NID1: variants seen among roughly 807,000 people sequenced by gnomAD.
NID1 encodes the protein nidogen-1.
In NID1, 76 loss-of-function variants were observed where a neutral mutation model predicts 130.6. That is an observed-to-expected ratio of 0.58 (90% confidence interval 0.48 to 0.70). The LOEUF is 0.70. Ranked by LOEUF, NID1 falls within the 30% of genes least tolerant of loss-of-function variation. NID1 has a pLI of 0.00. For missense variants in NID1, 1,517 were observed against 1,664.8 expected (o/e 0.91, Z 1.54); for synonymous variants, 665 against 675.1 (o/e 0.98, Z 0.23).
intron 4 of NID1, among the ~76,000 whole-genome samples, chr1:236,038,836 A>AAC (rs1398478415): frequency 7.8e-5 from 10 of 128,338 alleles, no homozygotes; most frequent in African/African-American, 3.2e-4. Context: ...GGTCATATAT[A>AAC]ATAAATATTA....
chr1:236,013,414 G>C lies in NID1; in HGVS notation c.2401C>G (p.Gln801Glu). 1 of 1,613,784 alleles carries C rather than the reference G, an allele frequency of 6.2e-7. No individual in the cohort carries two copies. The highest frequency in any genetic ancestry group is 8.5e-7 in the Non-Finnish European group (1 of 1,180,000). The change falls in exon 11 of 20, where the codon CAA (glutamine) becomes GAA (glutamate). Residue 801 changes from glutamine (Q) to glutamate (E), a missense_variant. Physicochemically the swap from Gln to Glu is conservative, Grantham distance 29. Transcript: ENST00000264187. ...PGFSGDGQAC[Q>E]DVDECQPSRC... is the part of the protein sequence containing the mutation. ...GAAGATCAGAGCAACCACACACCTT[G>C]GCAGGCTTGGCCATCCCCAGAAAAG...
Position 235,979,743 on chromosome 1 carries a change from G to T in NID1, c.3509+79C>A. The T allele has an allele frequency of 1.3e-6, 2 of 1,558,588 alleles. No homozygotes were observed. The highest frequency in any genetic ancestry group is 2.2e-5 in the South Asian group (2 of 88,974). ...GCTCAAAAGTCAAGCCAAGAGGCCA[G>T]ATGGGAAGGGCCTGGCCTCCCAGAG... On this transcript the variant is annotated intron_variant, in intron 18 of 19. Transcript: ENST00000264187. The surrounding 1 kb of genome is among the most constrained non-coding windows in gnomAD (Gnocchi z 4.6).
intron 14 of NID1, 78 bp from the exon 15 acceptor site, chr1:235,985,583 C>A: frequency 6.7e-7 from 1 of 1,500,686 alleles, no homozygotes; most frequent in East Asian, 2.3e-5. Context: ...TGCCTACAGG[C>A]ATTTGGATAT....
At chr1:236,029,433 G>A (rs1345648199) in intron 7 of NID1, 117 bp downstream of exon 7, 24 of 940,342 alleles carry the variant, frequency 2.6e-5, no homozygotes, top group Admixed American at 4.3e-5. Flanking sequence ...GTAAGGCCCG[G>A]TGTATTTCCC....
Position 236,025,304 on chromosome 1 carries a change from C to G in NID1, c.1984+592G>C, listed in dbSNP as rs995434682. Among the ~76,000 whole-genome samples, 3 of 148,406 alleles carry G rather than the reference C, an allele frequency of 2.0e-5. No individual in the cohort carries two copies. The East Asian group carries it at 6.3e-4, about 31-fold the overall frequency. On this transcript the variant is annotated intron_variant, in intron 8 of 19. Transcript: ENST00000264187. ...TGAGACAGAGTCTCACTCTGTCGCC[C>G]AGGCTGGAGTGCAGTGGTGCGATCT...
chr1:236,019,155 G>A (rs1217162495), intron 9 of NID1, among the ~76,000 whole-genome samples: 2 of 152,254 alleles, frequency 1.3e-5, no homozygotes, highest in African/African-American at 4.8e-5. Flanking sequence ...CCCTCCCAAA[G>A]CAGGCTGTTA....
chr1:236,004,746 AGCG>A (rs1658193539), intron 12 of NID1, among the ~76,000 whole-genome samples: 5 of 128,576 alleles, frequency 3.9e-5, no homozygotes, highest in Admixed American at 3.4e-4. Context: ...TGGGCAACAG[AGCG>A]AGACTCTGTC....
At chr1:236,016,606 G>A (rs947315256) in intron 10 of NID1, among the ~76,000 whole-genome samples, 1 of 152,152 alleles carries the variant, frequency 6.6e-6, no homozygotes, top group African/African-American at 2.4e-5. Flanking sequence ...CATTCAGCAA[G>A]AGCATAATTA....
chr1:236,047,766 C>T (rs1659646729), intron 2 of NID1, among the ~76,000 whole-genome samples: 2 of 152,128 alleles, frequency 1.3e-5, no homozygotes, highest in Admixed American at 6.6e-5. Context: ...GTGGCACACA[C>T]CTGTAATCCC....
intron 3 of NID1, 82 bp downstream of exon 3, chr1:236,045,375 G>A (rs1659570255): frequency 1.0e-6 from 1 of 960,332 alleles, no homozygotes. Context: ...ACATTTTTAG[G>A]TAATGATCTA....
At chr1:236,064,658 T>C (rs1279028603) in intron 1 of NID1, 197 bp downstream of exon 1, 4 of 627,862 alleles carry the variant, frequency 6.4e-6, no homozygotes, top group East Asian at 3.6e-5. Context: ...CGCGACCCGC[T>C]CTTCGGATAG....
intron 13 of NID1, among the ~76,000 whole-genome samples, chr1:235,992,544 A>G (rs1242461029): frequency 6.6e-6 from 1 of 152,176 alleles, no homozygotes; most frequent in East Asian, 1.9e-4. Flanking sequence ...AGCCTCACCC[A>G]TGAGCCCACC....
chr1:236,039,390 T>G (rs1343254505), intron 4 of NID1, among the ~76,000 whole-genome samples: 1 of 151,788 alleles, frequency 6.6e-6, no homozygotes, highest in African/African-American at 2.4e-5. Flanking sequence ...ATATTCTTTT[T>G]AATTTTAAAT....
At chr1:236,020,036 T>TAAAAAAAAAA (rs57925295) in intron 9 of NID1, among the ~76,000 whole-genome samples, 7 of 88,358 alleles carry the variant, frequency 7.9e-5, no homozygotes, top group Admixed American at 2.4e-4. Context: ...GACTCTGCCT[T>TAAAAAAAAAA]AAAAAAAAAA....
At chr1:235,982,054 T>C (rs1393849109) in intron 15 of NID1, among the ~76,000 whole-genome samples, 1 of 152,198 alleles carries the variant, frequency 6.6e-6, no homozygotes, top group African/African-American at 2.4e-5. Flanking sequence ...CAGTTTTCCA[T>C]GAGCCCACAG....
Position 236,038,124 on chromosome 1 carries a change from C to A in NID1, c.1265G>T (p.Gly422Val). 1 of 1,602,488 alleles carries A rather than the reference C, an allele frequency of 6.2e-7. No homozygotes were observed. The highest frequency in any genetic ancestry group is 8.5e-7 in the Non-Finnish European group (1 of 1,170,998). Residue 422 changes from glycine (G) to valine (V), a missense_variant, in exon 5 of 20, where the codon GGC (glycine) becomes GTC (valine). Physicochemically the swap from Gly to Val is moderately radical, Grantham distance 109. This residue lies in a region of NID1 where 1,329 missense variants were observed against 1,429.2 expected (regional missense o/e 0.93). Coordinates refer to ENST00000264187, the MANE Select transcript of NID1 (RefSeq NM_002508.3). ...ATTACCTTCTGCAACACATTGCCTG[C>A]CATTGCCCGTATAGCCAGCGACACA... is the stretch of plus-strand genomic sequence containing the variant. ...CSCVAGYTGN[G>V]RQCVAEGSPQ... is the part of the protein sequence containing the mutation.
rs986958888 is a variant in NID1, at chr1:235,976,204, A to G, written c.*1663T>C. 2.0e-5 allele frequency: 3 copies of G among 152,194 alleles called. No individual in the cohort carries two copies. The highest frequency in any genetic ancestry group is 7.2e-5 in the African/African-American group (3 of 41,432). The allele number at this position is 152,194 out of a possible 1,614,324, so 9.4% of individuals were successfully genotyped here. ...ATTATTCAAGGAAGACTTTCTTTCA[A>G]TTCAGGTTCCAATGTACTGCAGAAG... On this transcript the variant is annotated 3_prime_UTR_variant, in exon 20 of 20. Coordinates refer to ENST00000264187, the MANE Select transcript of NID1 (RefSeq NM_002508.3).
intron 3 of NID1, 114 bp from the exon 4 acceptor site, chr1:236,042,406 G>T: frequency 7.7e-7 from 1 of 1,303,164 alleles, no homozygotes; most frequent in Non-Finnish European, 1.1e-6. Context: ...ATCACCTGCA[G>T]CTAGGACTGG....
At chr1:235,990,673 A>T (rs951048862) in intron 14 of NID1, among the ~76,000 whole-genome samples, 8 of 152,226 alleles carry the variant, frequency 5.3e-5, no homozygotes, top group African/African-American at 1.9e-4. Flanking sequence ...CTGCTGAAAG[A>T]TGAATCACTA....
Sources: gnomAD v4.1 joint callset for allele counts (sites outside exome capture counted in the v4.1 genomes callset) on GRCh38, gnomAD v4.1.1 for gene constraint, gnomAD v4.1.1 regional missense constraint, Gnocchi (gnomAD v3.1) non-coding constraint, MANE v1.5 for transcripts, NCBI Gene and HGNC (gene_info 2026-07-23, HGNC 2026-07-21) for gene names.